FHIT: variants seen among roughly 807,000 people sequenced by gnomAD.
FHIT encodes the protein bis(5'-adenosyl)-triphosphatase.
Under a neutral mutation model 17.9 loss-of-function variants are expected in FHIT, and 19 were observed. That is an observed-to-expected ratio of 1.06 (90% confidence interval 0.74 to 1.56). FHIT has a LOEUF of 1.56. FHIT is among the 40% of genes most tolerant of loss of function. The probability of loss-of-function intolerance (pLI) is 0.00; values close to 1 mark genes in which losing one functional copy is unlikely to be tolerated. For missense variants in FHIT, 248 were observed against 189.2 expected (o/e 1.31, Z -1.82); for synonymous variants, 81 against 69.7 (o/e 1.16, Z -0.81).
chr3:61,214,138 G>A (rs2039588239), intron 1 of FHIT, among the ~76,000 whole-genome samples: 1 of 151,820 alleles, frequency 6.6e-6, no homozygotes, highest in Non-Finnish European at 1.5e-5. Context: ...CTAGCAAAAG[G>A]CAAGAAATAA....
chr3:59,782,687 T>C (rs1702646975), intron 8 of FHIT, among the ~76,000 whole-genome samples: 1 of 152,226 alleles, frequency 6.6e-6, no homozygotes, highest in Non-Finnish European at 1.5e-5. Context: ...ATTAGTTTTA[T>C]TAATTAAATG....
intron 5 of FHIT, among the ~76,000 whole-genome samples, chr3:60,241,105 G>A (rs1252014507): frequency 7.9e-5 from 12 of 152,134 alleles, no homozygotes; most frequent in Non-Finnish European, 1.8e-4. Context: ...GGAAACGGGG[G>A]TGGAATGGGG....
chr3:60,556,671 C>A (rs1377978190), intron 4 of FHIT, among the ~76,000 whole-genome samples: 1 of 152,164 alleles, frequency 6.6e-6, no homozygotes, highest in Non-Finnish European at 1.5e-5. Flanking sequence ...GCTCAGAAAA[C>A]GGTTAGGCAA....
intron 5 of FHIT, among the ~76,000 whole-genome samples, chr3:60,447,436 T>C (rs1434898672): frequency 1.3e-5 from 2 of 152,190 alleles, no homozygotes; most frequent in South Asian, 2.1e-4. Flanking sequence ...GCTTCAAATA[T>C]GATAATACAC....
At chr3:60,602,051 G>C (rs2038460846) in intron 4 of FHIT, among the ~76,000 whole-genome samples, 1 of 147,986 alleles carries the variant, frequency 6.8e-6, no homozygotes, top group South Asian at 2.1e-4. Context: ...TAATTTGGAA[G>C]ACAGATAGAG....
At chr3:59,920,517 T>C (rs184687079) in intron 8 of FHIT, among the ~76,000 whole-genome samples, 22 of 152,264 alleles carry the variant, frequency 1.4e-4, no homozygotes, top group African/African-American at 5.3e-4. Flanking sequence ...GCACTGTACA[T>C]TGTGTCTTGA....
intron 5 of FHIT, among the ~76,000 whole-genome samples, chr3:60,137,968 T>C (rs1699884229): frequency 6.6e-6 from 1 of 152,216 alleles, no homozygotes; most frequent in Admixed American, 6.5e-5. Context: ...CAGCTCCACT[T>C]GCACAGCATT....
intron 4 of FHIT, among the ~76,000 whole-genome samples, chr3:60,679,361 G>A (rs782669552): frequency 6.6e-6 from 1 of 152,120 alleles, no homozygotes; most frequent in Non-Finnish European, 1.5e-5. Context: ...CACCTAATTT[G>A]AGAATTACAG....
In FHIT at chr3:59,752,219, A is replaced by T; in HGVS notation, c.*5+2T>A. Reference sequence around the variant, plus strand: ...TGGGTAATGACGAAATGCAGTCTTTACCTGTGTCACTGAAAGTAGACCCGC... The same window carrying T: ...TGGGTAATGACGAAATGCAGTCTTTTCCTGTGTCACTGAAAGTAGACCCGC... On this transcript the variant is annotated splice_donor_variant, in intron 9 of 9. Transcript: ENST00000492590. LOFTEE classifies it low-confidence loss of function (3UTR_SPLICE). The T allele has an allele frequency of 1.2e-6, 2 of 1,608,338 alleles. No homozygotes were observed. The highest frequency in any genetic ancestry group is 8.5e-7 in the Non-Finnish European group (1 of 1,175,578).
chr3:60,845,559 T>A (rs35424414), intron 3 of FHIT, among the ~76,000 whole-genome samples: 42,257 of 152,046 alleles, frequency 0.28, 6,287 homozygotes, highest in Middle Eastern at 0.35. Flanking sequence ...AAAATTTAGA[T>A]TTATTTTTTA....
intron 8 of FHIT, among the ~76,000 whole-genome samples, chr3:59,845,206 A>G (rs1701675893): frequency 6.6e-6 from 1 of 151,932 alleles, no homozygotes; most frequent in South Asian, 2.1e-4. Flanking sequence ...AATTTTGTCA[A>G]TTTTGTTGAT....
chr3:59,762,443 T>C (rs1439728439), intron 8 of FHIT, among the ~76,000 whole-genome samples: 1 of 152,112 alleles, frequency 6.6e-6, no homozygotes, highest in Non-Finnish European at 1.5e-5. Flanking sequence ...AACAAGGAAC[T>C]TAAATCACTC....
At chr3:60,958,086 A>G (rs1464487136) in intron 3 of FHIT, among the ~76,000 whole-genome samples, 1 of 152,244 alleles carries the variant, frequency 6.6e-6, no homozygotes, top group Non-Finnish European at 1.5e-5. Flanking sequence ...AGAACTACAC[A>G]TATCACTCTG....
intron 4 of FHIT, among the ~76,000 whole-genome samples, chr3:60,636,370 G>C (rs1446205926): frequency 1.3e-5 from 2 of 152,110 alleles, no homozygotes; most frequent in African/African-American, 4.8e-5. Flanking sequence ...CGCCTGGCCA[G>C]AATGAATGAA....
chr3:60,832,691 A>T (rs1456782451), intron 3 of FHIT, among the ~76,000 whole-genome samples: 14 of 152,048 alleles, frequency 9.2e-5, no homozygotes, highest in African/African-American at 2.9e-4. Context: ...AATTCATAAA[A>T]AAAAAAAAAA....
At chr3:60,468,826 T>C (rs1559939610) in intron 5 of FHIT, among the ~76,000 whole-genome samples, 1 of 152,180 alleles carries the variant, frequency 6.6e-6, no homozygotes, top group African/African-American at 2.4e-5. Context: ...TTCTTTCAGA[T>C]TGAAGAAAGA....
chr3:60,521,390 G>C (rs979061549), intron 5 of FHIT, among the ~76,000 whole-genome samples: 10 of 152,030 alleles, frequency 6.6e-5, no homozygotes, highest in African/African-American at 2.2e-4. Flanking sequence ...TGGGACTACA[G>C]GCGCCCGCCA....
At chr3:61,021,040 T>C (rs2032395244) in intron 3 of FHIT, among the ~76,000 whole-genome samples, 1 of 152,130 alleles carries the variant, frequency 6.6e-6, no homozygotes, top group South Asian at 2.1e-4. Flanking sequence ...TAGCAAGTTC[T>C]TAGAGACCTA....
chr3:61,044,832 A>G (rs2033705151), intron 2 of FHIT, among the ~76,000 whole-genome samples: 1 of 152,232 alleles, frequency 6.6e-6, no homozygotes, highest in Admixed American at 6.5e-5. Context: ...AATATCCAGC[A>G]TTCTTAAAGA....
Sources: allele counts gnomAD v4.1 joint callset (sites outside exome capture counted in the v4.1 genomes callset), GRCh38; gene constraint gnomAD v4.1.1; transcripts MANE v1.5; gene names NCBI Gene and HGNC (gene_info 2026-07-23, HGNC 2026-07-21).